SREK1: variants seen among roughly 807,000 people sequenced by gnomAD.
SREK1 encodes splicing regulatory glutamic acid and lysine rich protein 1.
A neutral mutation model predicts 66.5 loss-of-function variants in SREK1; 13 were observed. That is an observed-to-expected ratio of 0.20 (90% CI 0.13 to 0.31). The LOEUF is 0.31. Ranked by LOEUF, SREK1 falls within the 10% of genes least tolerant of loss-of-function variation. SREK1 has a pLI of 1.00. For synonymous variants in SREK1, 265 were observed against 263.5 expected, an observed-to-expected ratio of 1.01 and a Z score of -0.05; for missense variants, 607 against 769.6, an observed-to-expected ratio of 0.79 and a Z score of 2.50.
intron 3 of SREK1, among the ~76,000 whole-genome samples, chr5:66,161,907 A>C (rs1019904248): frequency 7.9e-5 from 12 of 152,234 alleles, no homozygotes. Flanking sequence ...ATATCCAGAC[A>C]GTAAAATATA....
chr5:66,145,338 G>A (rs752397342), intron 1 of SREK1, among the ~76,000 whole-genome samples: 39 of 152,060 alleles, frequency 2.6e-4, no homozygotes, highest in Non-Finnish European at 4.6e-4. Context: ...GGGTTTGTAG[G>A]TTGTTCACAT....
intron 10 of SREK1, chr5:66,177,304 C>G: frequency 2.5e-6 from 1 of 401,978 alleles, no homozygotes; most frequent in Non-Finnish European, 4.4e-6. Flanking sequence ...GCCAAAATGA[C>G]TTGTGTATCC....
intron 10 of SREK1, 32 bp downstream of exon 10, chr5:66,175,073 G>A: frequency 6.6e-7 from 1 of 1,513,260 alleles, no homozygotes; most frequent in Non-Finnish European, 8.9e-7. Flanking sequence ...AAACTAAACA[G>A]GAGAAAGCAA....
chr5:66,159,088 C>T (rs375921821), intron 2 of SREK1, 131 bp from the exon 3 acceptor site: 54 of 1,430,368 alleles, frequency 3.8e-5, no homozygotes, highest in Non-Finnish European at 4.9e-5. Context: ...TTATTTATTT[C>T]TTTATACAGA....
chr5:66,167,671 A>G (rs553560379), intron 7 of SREK1: 1 of 152,346 alleles, frequency 6.6e-6, no homozygotes, highest in Non-Finnish European at 1.5e-5. Flanking sequence ...GTCTTTTGAC[A>G]TCTCAATTGC....
rs1212109500 is a variant in SREK1 at position 66,179,408 on chromosome 5, A to G, written c.*540A>G. 1 of 152,502 alleles carries G rather than the reference A, an allele frequency of 6.6e-6. No homozygotes were observed. Among genetic ancestry groups the G allele is most frequent in the Non-Finnish European group, 1.5e-5 (1 of 67,966 alleles). 9.4% of individuals were successfully genotyped at this position (152,502 alleles called of 1,614,324 possible). Reference sequence around the variant, plus strand: ...CTTGTGATTGTGTTAAATTCTCACTATTGTGTTTTCTTTTGCTCACTGTTT... The same window carrying G: ...CTTGTGATTGTGTTAAATTCTCACTGTTGTGTTTTCTTTTGCTCACTGTTT... On this transcript the variant is annotated 3_prime_UTR_variant, in exon 12 of 12. Transcript: ENST00000334121.
chr5:66,181,165 AAC>A lies in SREK1; in HGVS notation c.*2298_*2299del, dbSNP rs1746452972. 6.6e-6 allele frequency: 1 copy of A among 152,216 alleles called. No individual in the cohort carries two copies. The highest frequency in any genetic ancestry group is 2.4e-5 in the African/African-American group (1 of 41,458). The allele number at this position is 152,216 out of a possible 1,614,324, so 9.4% of individuals were successfully genotyped here. On this transcript the variant is annotated 3_prime_UTR_variant, in exon 12 of 12. Coordinates refer to ENST00000334121, the MANE Select transcript of SREK1 (RefSeq NM_001077199.3). ...TAATCTTGAAACACTGATTTGTAAA[AAC>A]TAAGAATGAGTAGGAATACAAGAGA...
chr5:66,149,600 T>C (rs1224102423), intron 1 of SREK1, among the ~76,000 whole-genome samples: 1 of 152,206 alleles, frequency 6.6e-6, no homozygotes, highest in Admixed American at 6.5e-5. Context: ...TTTGGAAATG[T>C]GGTTTTAGTT....
At chr5:66,145,608 TTTC>T (rs1364896901) in intron 1 of SREK1, among the ~76,000 whole-genome samples, 4 of 152,050 alleles carry the variant, frequency 2.6e-5, no homozygotes, top group Admixed American at 1.3e-4. Flanking sequence ...TTTTTAAGTT[TTTC>T]TTCTCTGCTT....
chr5:66,163,263 C>T (rs1391424127), intron 5 of SREK1: 1 of 152,622 alleles, frequency 6.6e-6, no homozygotes, highest in African/African-American at 2.4e-5. Context: ...ACATAATATC[C>T]ATTCATGTGC....
chr5:66,173,386 ACT>A (rs1475717715), intron 9 of SREK1, among the ~76,000 whole-genome samples: 1 of 152,192 alleles, frequency 6.6e-6, no homozygotes, highest in Non-Finnish European at 1.5e-5. Context: ...TCTGTGTCAC[ACT>A]CTATGCTTTG....
chr5:66,162,066 TA>T (rs756425057), intron 3 of SREK1, 42 bp from the exon 4 acceptor site: 5 of 1,581,766 alleles, frequency 3.2e-6, no homozygotes, highest in Non-Finnish European at 2.6e-6. Flanking sequence ...TGGATACTAA[TA>T]GAAAATATGT....
intron 1 of SREK1, among the ~76,000 whole-genome samples, chr5:66,147,228 T>C (rs569983406): frequency 9.8e-4 from 149 of 152,364 alleles, no homozygotes; most frequent in African/African-American, 3.4e-3. Flanking sequence ...AGAATTCTTA[T>C]TTGTAGTTTG....
At chr5:66,159,152 T>C in intron 2 of SREK1, 67 bp from the exon 3 acceptor site, 1 of 1,545,214 alleles carries the variant, frequency 6.5e-7, no homozygotes, top group Non-Finnish European at 8.7e-7. Context: ...AGGGTAATTG[T>C]AAAATCATAG....
At chr5:66,156,767 G>A in intron 2 of SREK1, 1 of 985,312 alleles carries the variant, frequency 1.0e-6, no homozygotes. Context: ...GACTTATGAA[G>A]ACTTTTTGTT....
chr5:66,158,929 A>C (rs1314428951), intron 2 of SREK1: 1 of 1,309,326 alleles, frequency 7.6e-7, no homozygotes, highest in South Asian at 1.2e-5. Flanking sequence ...AGTTTCCAGT[A>C]CAGGTGACCC....
intron 8 of SREK1, 148 bp from the exon 9 acceptor site, chr5:66,170,437 T>G (rs1745535558): frequency 8.4e-7 from 1 of 1,183,614 alleles, no homozygotes; most frequent in South Asian, 1.6e-5. Context: ...AGCAGCTTCT[T>G]GTACACCTGA....
intron 9 of SREK1, among the ~76,000 whole-genome samples, chr5:66,172,824 ATTT>A (rs762670649): frequency 1.1e-4 from 13 of 118,214 alleles, no homozygotes; most frequent in African/African-American, 3.2e-4. Context: ...ATTTCTTTGA[ATTT>A]TTTTTTTTTT....
chr5:66,146,894 T>G (rs1743284270), intron 1 of SREK1, among the ~76,000 whole-genome samples: 1 of 152,156 alleles, frequency 6.6e-6, no homozygotes, highest in East Asian at 1.9e-4. Context: ...GGAAATACAT[T>G]AATAGAATGT....
Sources: allele counts gnomAD v4.1 joint callset (sites outside exome capture counted in the v4.1 genomes callset), GRCh38; gene constraint gnomAD v4.1.1; transcripts MANE v1.5; gene names NCBI Gene and HGNC (gene_info 2026-07-23, HGNC 2026-07-21).